The following TRMT6 variants were observed in gnomAD, a reference collection of about 807,000 sequenced individuals.
The protein encoded by TRMT6 is tRNA methyltransferase 6 non-catalytic subunit, also known as tRNA (adenine(58)-N(1))-methyltransferase non-catalytic subunit TRM6.
A neutral mutation model predicts 59.0 loss-of-function variants in TRMT6; 34 were observed. The ratio of observed to expected loss-of-function variants is 0.58; its 90% confidence interval spans 0.44 to 0.77. TRMT6 has a LOEUF of 0.77. TRMT6 is among the 30% of genes least tolerant of loss of function. The pLI is 0.00. For missense variants in TRMT6, 575 were observed against 604.5 expected (o/e 0.95, Z 0.51); for synonymous variants, 217 against 210.5 (o/e 1.03, Z -0.27).
intron 6 of TRMT6, among the ~76,000 whole-genome samples, chr20:5,943,122 G>A (rs1053782335): frequency 3.9e-5 from 6 of 152,174 alleles, no homozygotes; most frequent in Non-Finnish European, 7.3e-5. Flanking sequence ...GCAGTTACAA[G>A]TTCTTACCTT....
At position 5,944,009 on chromosome 20, in the gene TRMT6, C is replaced by A. The variant is rs755719630; in HGVS notation, c.481G>T (p.Val161Leu). ...KKKYEAIITV[V>L]KPSTRILSIM... ...GAAAGAATACGGGTGGATGGCTTCA[C>A]AACAGTAATGATGGCTTCATATCTG... The change falls in exon 5 of 11, where the codon GTG becomes TTG. Residue 161 changes from valine to leucine, a missense_variant. Physicochemically the swap from Val to Leu is conservative, Grantham distance 32 (BLOSUM62 1). Transcript: ENST00000203001. The A allele has an allele frequency of 1.8e-5, 29 of 1,606,354 alleles. No individual in the cohort carries two copies. Among genetic ancestry groups the A allele is most frequent in the Non-Finnish European group, 2.5e-5 (29 of 1,176,624 alleles).
chr20:5,938,589 G>C lies in TRMT6; in HGVS notation c.1440C>G (p.His480Gln). The change falls in exon 11 of 11, where the codon CAC (histidine) becomes CAG (glutamine). Residue 480 changes from histidine to glutamine, a missense_variant. Physicochemically the swap from His to Gln is conservative, Grantham distance 24. Coordinates refer to ENST00000203001, the MANE Select transcript of TRMT6 (RefSeq NM_015939.5). ...LKSNASTLES[H>Q]ETEEPAAKKR... ...TTTTAGCTGCAGGCTCCTCAGTCTC[G>C]TGTGATTCTAAAGTGCTTGCATTAG... 3.1e-6 allele frequency: 5 copies of C among 1,614,186 alleles called. No individual in the cohort carries two copies. Among genetic ancestry groups the C allele is most frequent in the South Asian group, 2.2e-5 (2 of 91,088 alleles).
At position 5,942,662 on chromosome 20, in the gene TRMT6, A is replaced by G. The variant is rs2088668348; in HGVS notation, c.792T>C (p.Ser264=). 1 of 1,613,998 alleles carries G rather than the reference A, an allele frequency of 6.2e-7. No individual in the cohort carries two copies. The highest frequency in any genetic ancestry group is 1.7e-5 in the Admixed American group (1 of 60,004). Residue 264 remains serine (S), a synonymous_variant, in exon 7 of 11, where the codon AGT becomes AGC. Coordinates refer to ENST00000203001, the MANE Select transcript of TRMT6 (RefSeq NM_015939.5). ...LYEFPLNKVD[S]LLHGTFSAKM... is the part of the protein sequence containing the mutation. ...TGGCAGAAAATGTTCCATGTAGAAG[A>G]CTGTCCACTTTGTTGAGAGGGAATT...
chr20:5,942,692 A>C lies in TRMT6; in HGVS notation c.762T>G (p.Leu254=). The change falls in exon 7 of 11, where the codon CTT becomes CTG. Residue 254 remains leucine, a synonymous_variant. Coordinates refer to ENST00000203001, the MANE Select transcript of TRMT6 (RefSeq NM_015939.5). ...FGFPKSFLSG[L]YEFPLNKVDS... ...CCACTTTGTTGAGAGGGAATTCATAAAGACCACTGAGAAAAGATTTGGGAA... is the reference window on the plus strand; with the variant it reads ...CCACTTTGTTGAGAGGGAATTCATACAGACCACTGAGAAAAGATTTGGGAA... The C allele has an allele frequency of 6.2e-7, 1 of 1,614,184 alleles. No individual in the cohort carries two copies. Among genetic ancestry groups the C allele is most frequent in the Non-Finnish European group, 8.5e-7 (1 of 1,180,028 alleles).
Position 5,937,790 on chromosome 20 carries a change from A to G in TRMT6, c.*745T>C, listed in dbSNP as rs566714709. 13 of 152,238 alleles carry G rather than the reference A, an allele frequency of 8.5e-5. No homozygotes were observed. The highest frequency in any genetic ancestry group is 2.1e-4 in the South Asian group (1 of 4,836). The allele number at this position is 152,238 out of a possible 1,614,324, so 9.4% of individuals were successfully genotyped here. ...TGTATATATACCAACATCTATATAC[A>G]TATGTGTGTGTGTGCAAATGTGTAT... On this transcript the variant is annotated 3_prime_UTR_variant, in exon 11 of 11. Coordinates refer to ENST00000203001, the MANE Select transcript of TRMT6 (RefSeq NM_015939.5).
At chr20:5,941,029 G>A (rs906997507) in intron 10 of TRMT6, 24 bp downstream of exon 10, 7 of 1,589,576 alleles carry the variant, frequency 4.4e-6, no homozygotes, top group Non-Finnish European at 6.0e-6. Flanking sequence ...GGCAGCTCTT[G>A]GGACTGGCTG....
chr20:5,950,457 T>C lies in TRMT6; in HGVS notation c.-52A>G. On this transcript the variant is annotated 5_prime_UTR_variant, in exon 1 of 11. Transcript: ENST00000203001. ...CGGCGTCCCGCCCCTCCTCCTCGGT[T>C]GTCGCCACCGCCAGCCTCACTTCCC... 1.3e-6 allele frequency: 2 copies of C among 1,524,266 alleles called. No individual in the cohort carries two copies. Among genetic ancestry groups the C allele is most frequent in the African/African-American group, 1.4e-5 (1 of 72,088 alleles). 94.4% of individuals were successfully genotyped at this position (1,524,266 alleles called of 1,614,324 possible).
At chr20:5,946,061 T>G (rs1476144655) in intron 2 of TRMT6, among the ~76,000 whole-genome samples, 1 of 152,136 alleles carries the variant, frequency 6.6e-6, no homozygotes, top group Admixed American at 6.5e-5. Context: ...AAACCAGACC[T>G]CTTAACCTCT....
chr20:5,940,196 C>A (rs901410785), intron 10 of TRMT6, among the ~76,000 whole-genome samples: 1 of 152,216 alleles, frequency 6.6e-6, no homozygotes, highest in African/African-American at 2.4e-5. Flanking sequence ...AGGCATCAAC[C>A]TGCACCACCA....
At position 5,942,764 on chromosome 20, in the gene TRMT6, T is replaced by C. The variant is rs922304045; in HGVS notation, c.690A>G (p.Leu230=). 5.6e-6 allele frequency: 9 copies of C among 1,613,158 alleles called. No homozygotes were observed. The highest frequency in any genetic ancestry group is 2.2e-5 in the East Asian group (1 of 44,890). ...RMGGFGSIIQ[L]YPGGGPVRAA... ...CCCGAACAGGTCCTCCTCCAGGGTATAGCTGAATAATGGAGCCAAAACCTG... is the reference window on the plus strand; with the variant it reads ...CCCGAACAGGTCCTCCTCCAGGGTACAGCTGAATAATGGAGCCAAAACCTG... Residue 230 remains leucine (L), a synonymous_variant, in exon 7 of 11, where the codon CTA becomes CTG. Transcript: ENST00000203001.
chr20:5,943,351 C>A (rs532917725), intron 6 of TRMT6, among the ~76,000 whole-genome samples: 3 of 152,270 alleles, frequency 2.0e-5, no homozygotes, highest in South Asian at 4.1e-4. Context: ...AGGACAATTG[C>A]CATGGGTTTG....
rs2088674578 is a variant in TRMT6 at position 5,943,202 on chromosome 20, TA to T, written c.667+356del. 3.3e-5 allele frequency among the ~76,000 whole-genome samples: 5 copies of T among 151,638 alleles called. No homozygotes were observed. The South Asian group carries it at 1.0e-3, about 32-fold the overall frequency. On this transcript the variant is annotated intron_variant, in intron 6 of 10. Transcript: ENST00000203001. ...TCTTCCAGAGAGAATACATGCTTAG[TA>T]ATCTTCCCACTCAATCCCTTCAATT...
chr20:5,950,257 A>C, intron 1 of TRMT6, 21 bp downstream of exon 1: 1 of 1,587,196 alleles, frequency 6.3e-7, no homozygotes. Context: ...GGAGACCCCT[A>C]AAATCAGCGA....
At chr20:5,939,543 G>GTT (rs2088638713) in intron 10 of TRMT6, among the ~76,000 whole-genome samples, 1 of 151,952 alleles carries the variant, frequency 6.6e-6, no homozygotes, top group South Asian at 2.1e-4. Context: ...TTCAGCCCAG[G>GTT]TTTATCTAGA....
intron 1 of TRMT6, among the ~76,000 whole-genome samples, chr20:5,949,611 G>A (rs2088756852): frequency 6.6e-6 from 1 of 152,166 alleles, no homozygotes; most frequent in Non-Finnish European, 1.5e-5. Context: ...TGAATCCTTT[G>A]GTGAGTAAAA....
At chr20:5,943,731 T>C (rs1476638995) in intron 5 of TRMT6, 48 bp from the exon 6 acceptor site, 2 of 1,580,412 alleles carry the variant, frequency 1.3e-6, no homozygotes, top group Non-Finnish European at 1.7e-6. Context: ...GTAAAGCCTA[T>C]TATTTTAATC....
At chr20:5,944,325 T>C in intron 3 of TRMT6, 72 bp from the exon 4 acceptor site, 2 of 880,498 alleles carry the variant, frequency 2.3e-6, no homozygotes, top group South Asian at 1.7e-5. Context: ...AAAGGCTTCT[T>C]ACCCAAGAAT....
At chr20:5,942,110 A>C in intron 7 of TRMT6, 74 bp from the exon 8 acceptor site, 1 of 1,272,180 alleles carries the variant, frequency 7.9e-7, no homozygotes, top group Non-Finnish European at 1.1e-6. Context: ...CTGGCCTGTC[A>C]AAACATTTCA....
Position 5,937,612 on chromosome 20 carries a change from T to TGGTCTAAGTCCTGAGAAC in TRMT6, c.*922_*923insGTTCTCAGGACTTAGACC. 1 of 152,288 alleles carries TGGTCTAAGTCCTGAGAAC rather than the reference T, an allele frequency of 6.6e-6. No individual in the cohort carries two copies. Among genetic ancestry groups the TGGTCTAAGTCCTGAGAAC allele is most frequent in the South Asian group, 2.1e-4 (1 of 4,828 alleles). The allele number at this position is 152,288 out of a possible 1,614,324, so 9.4% of individuals were successfully genotyped here. Reference sequence around the variant, plus strand: ...AGGAATGACACTAATACAATGAGAATTGGTCTAAGTCCTGCACAAGACTTT... The same window carrying TGGTCTAAGTCCTGAGAAC: ...AGGAATGACACTAATACAATGAGAATGGTCTAAGTCCTGAGAACTGGTCTAAGTCCTGCACAAGACTTT... On this transcript the variant is annotated 3_prime_UTR_variant, in exon 11 of 11. Coordinates refer to ENST00000203001, the MANE Select transcript of TRMT6 (RefSeq NM_015939.5).
Sources: gnomAD v4.1 joint callset for allele counts (sites outside exome capture counted in the v4.1 genomes callset) on GRCh38, gnomAD v4.1.1 for gene constraint, MANE v1.5 for transcripts, NCBI Gene and HGNC (gene_info 2026-07-23, HGNC 2026-07-21) for gene names.